The following ADGRV1 variants were observed in gnomAD, a reference collection of about 807,000 sequenced individuals.
The protein encoded by ADGRV1 is G-protein coupled receptor 98.
ADGRV1 carries 359 observed loss-of-function variants against 596.2 expected under a neutral mutation model. The observed-to-expected ratio is 0.60, with a 90% confidence interval of 0.55 to 0.66. The LOEUF (loss-of-function observed/expected upper bound fraction) is 0.66. Among genes scored for constraint, ADGRV1 ranks in the 30% least tolerant of loss-of-function variants. ADGRV1 has a pLI of 0.00. For missense variants in ADGRV1, 7,274 were observed against 7,575.6 expected, an observed-to-expected ratio of 0.96 and a Z score of 1.48; for synonymous variants, 2,681 against 2,679.2, an observed-to-expected ratio of 1.00 and a Z score of -0.02.
chr5:90,864,195 G>A (rs1767876058), intron 83 of ADGRV1, among the ~76,000 whole-genome samples: 1 of 151,996 alleles, frequency 6.6e-6, no homozygotes, highest in Admixed American at 6.6e-5. Flanking sequence ...AATATGCTGT[G>A]TTATAAATTC....
At chr5:91,037,499 G>A (rs769268384) in intron 85 of ADGRV1, among the ~76,000 whole-genome samples, 1 of 152,166 alleles carries the variant, frequency 6.6e-6, no homozygotes, top group South Asian at 2.1e-4. Flanking sequence ...GGGGGATAAA[G>A]TTAGTTATGT....
chr5:90,796,848 C>G (rs1760773973), intron 70 of ADGRV1, among the ~76,000 whole-genome samples: 1 of 152,126 alleles, frequency 6.6e-6, no homozygotes, highest in Non-Finnish European at 1.5e-5. Context: ...ATTTTCAACC[C>G]AGAATTTCAT....
intron 84 of ADGRV1, among the ~76,000 whole-genome samples, chr5:90,974,317 A>G (rs1198279080): frequency 6.6e-6 from 1 of 152,192 alleles, no homozygotes; most frequent in African/African-American, 2.4e-5. Flanking sequence ...TCAAGCTACC[A>G]ATGACTTTCT....
intron 89 of ADGRV1, among the ~76,000 whole-genome samples, chr5:91,157,732 C>T (rs1796587893): frequency 6.6e-6 from 1 of 152,246 alleles, no homozygotes; most frequent in African/African-American, 2.4e-5. Context: ...ACAAAAACAT[C>T]TGTTTTGATA....
intron 85 of ADGRV1, among the ~76,000 whole-genome samples, chr5:91,051,344 A>G (rs573372186): frequency 2.6e-4 from 40 of 152,222 alleles, no homozygotes; most frequent in Non-Finnish European, 4.9e-4. Context: ...TACCCATACA[A>G]TCATTCTTTC....
chr5:90,947,052 A>G (rs1776639351), intron 83 of ADGRV1, among the ~76,000 whole-genome samples: 2 of 152,146 alleles, frequency 1.3e-5, no homozygotes, highest in Non-Finnish European at 2.9e-5. Context: ...TGTCTTCCAC[A>G]ATTGTTGAAT....
intron 50 of ADGRV1, among the ~76,000 whole-genome samples, chr5:90,734,159 A>G (rs1752920107): frequency 6.6e-6 from 1 of 152,166 alleles, no homozygotes. Context: ...TTCTTTATCC[A>G]TTCATCTGTT....
At chr5:90,972,001 A>G (rs1779078650) in intron 84 of ADGRV1, among the ~76,000 whole-genome samples, 1 of 152,220 alleles carries the variant, frequency 6.6e-6, no homozygotes, top group African/African-American at 2.4e-5. Context: ...AAAGGGATGG[A>G]GGAAAATCTA....
chr5:90,823,536 C>T lies in ADGRV1; in HGVS notation c.16308C>T (p.Thr5436=), dbSNP rs137853917. The change falls in exon 76 of 90, where the codon ACC becomes ACT. Residue 5436 remains threonine (T), a synonymous_variant. Transcript: ENST00000405460. ...LVEELQSVSG[T]TTCTMGQTKC... The stretch of plus-strand genomic sequence containing the variant: ...AGGAACTTCAGTCTGTGTCAGGGAC[C>T]ACAACCTGTACAATGGGTCAAACAA... The T allele has an allele frequency of 2.1e-5, 34 of 1,613,890 alleles. No homozygotes were observed. The highest frequency in any genetic ancestry group is 1.3e-4 in the Admixed American group (8 of 60,012).
intron 28 of ADGRV1, 136 bp from the exon 29 acceptor site, chr5:90,685,641 AAAT>A (rs946538906): frequency 2.3e-5 from 6 of 260,600 alleles, no homozygotes; most frequent in South Asian, 1.6e-4. Flanking sequence ...TAAATAAATA[AAAT>A]AAATAGTAGA....
rs1029329244 is a variant in ADGRV1, at chr5:90,667,854, T to C, written c.4753-4692T>C. Among the ~76,000 whole-genome samples, 101 of 152,230 alleles carry C rather than the reference T, an allele frequency of 6.6e-4. 1 individual carries two copies. The East Asian group carries it at 0.015, about 22-fold the overall frequency. ...GACAGGACCCTCAGCTGCAGGGCTGTTGGAGTACCCTGCCGTGTGAGGTGT... is the reference window on the plus strand; with the variant it reads ...GACAGGACCCTCAGCTGCAGGGCTGCTGGAGTACCCTGCCGTGTGAGGTGT... On this transcript the variant is annotated intron_variant, in intron 21 of 89. Transcript: ENST00000405460.
chr5:90,827,726 A>C (rs1210175920), intron 76 of ADGRV1, among the ~76,000 whole-genome samples: 1 of 152,224 alleles, frequency 6.6e-6, no homozygotes, highest in Non-Finnish European at 1.5e-5. Context: ...ATCAACTGAC[A>C]GTTAATCAGC....
chr5:91,037,287 A>G (rs1784989973), intron 85 of ADGRV1, among the ~76,000 whole-genome samples: 2 of 152,162 alleles, frequency 1.3e-5, no homozygotes, highest in African/African-American at 4.8e-5. Flanking sequence ...ACAGTAAGCA[A>G]ATCTGCTGTC....
At chr5:90,756,893 A>G in intron 56 of ADGRV1, 86 bp from the exon 57 acceptor site, 2 of 1,130,010 alleles carry the variant, frequency 1.8e-6, no homozygotes, top group Non-Finnish European at 2.5e-6. Context: ...AAATATAGAA[A>G]GTTAAGTAGA....
rs532114336 is a variant in ADGRV1 at position 90,666,104 on chromosome 5, G to T, written c.4753-6442G>T. Among the ~76,000 whole-genome samples, 278 of 151,334 alleles carry T rather than the reference G, an allele frequency of 1.8e-3. 2 individuals carry two copies. Among genetic ancestry groups the T allele is most frequent in the African/African-American group, 6.4e-3 (262 of 41,138 alleles). ...ATGTATATTCTGTTGATTTGGGGTG[G>T]AGAGTTCTGTAGATGTCTATTAGGT... On this transcript the variant is annotated intron_variant, in intron 21 of 89. Coordinates refer to ENST00000405460, the MANE Select transcript of ADGRV1 (RefSeq NM_032119.4).
chr5:91,034,563 C>T (rs932546441), intron 85 of ADGRV1, among the ~76,000 whole-genome samples: 1 of 152,160 alleles, frequency 6.6e-6, no homozygotes, highest in African/African-American at 2.4e-5. Flanking sequence ...AAAGTCAGGG[C>T]GTACAGTGTC....
chr5:91,086,825 G>A lies in ADGRV1; in HGVS notation c.18310+14221G>A, dbSNP rs79070486. On this transcript the variant is annotated intron_variant, in intron 86 of 89. Transcript: ENST00000405460. The stretch of plus-strand genomic sequence containing the variant: ...TCTCCACCAACCTATTTTCTTTCCT[G>A]TGAGTTTAAGCTATGTGAATATGCC... Among the ~76,000 whole-genome samples, 791 of 152,154 alleles carry A rather than the reference G, an allele frequency of 5.2e-3. 7 individuals are homozygous for A. The highest frequency in any genetic ancestry group is 0.018 in the African/African-American group (756 of 41,518).
intron 50 of ADGRV1, among the ~76,000 whole-genome samples, chr5:90,743,454 C>T (rs1302247213): frequency 6.7e-6 from 1 of 149,454 alleles, no homozygotes; most frequent in Non-Finnish European, 1.5e-5. Context: ...TAATATCTAA[C>T]CAATCTCATT....
chr5:90,698,827 A>T (rs1336747906), intron 34 of ADGRV1, among the ~76,000 whole-genome samples: 2 of 152,128 alleles, frequency 1.3e-5, no homozygotes, highest in African/African-American at 4.8e-5. Flanking sequence ...AGAGGCAGGG[A>T]GAAACCAGGG....
Sources: allele counts gnomAD v4.1 joint callset (sites outside exome capture counted in the v4.1 genomes callset), GRCh38; gene constraint gnomAD v4.1.1; transcripts MANE v1.5; gene names NCBI Gene and HGNC (gene_info 2026-07-23, HGNC 2026-07-21).